PHTF2: variants seen among roughly 807,000 people sequenced by gnomAD.
The protein encoded by PHTF2 is protein PHTF2.
A neutral mutation model predicts 101.2 loss-of-function variants in PHTF2; 60 were observed. That is an observed-to-expected ratio of 0.59 (90% CI 0.48 to 0.73). PHTF2 has a LOEUF of 0.73. Ranked by LOEUF, PHTF2 falls within the 30% of genes least tolerant of loss-of-function variation. PHTF2 has a pLI of 0.00. For missense variants in PHTF2, 747 were observed against 908.7 expected (o/e 0.82, Z 2.29); for synonymous variants, 311 against 307.3 (o/e 1.01, Z -0.13).
chr7:77,946,527 T>C (rs1159147557), intron 16 of PHTF2, among the ~76,000 whole-genome samples: 2 of 152,226 alleles, frequency 1.3e-5, no homozygotes, highest in African/African-American at 2.4e-5. Context: ...TACAGACACA[T>C]TATTTAAAAT....
At chr7:77,952,106 TATC>T (rs1174054318) in intron 18 of PHTF2, among the ~76,000 whole-genome samples, 1 of 152,092 alleles carries the variant, frequency 6.6e-6, no homozygotes, top group African/African-American at 2.4e-5. Context: ...AATACATAAT[TATC>T]ATAATAAATA....
At chr7:77,932,617 A>AGTGTGTGTGTGT (rs1263484171) in intron 12 of PHTF2, among the ~76,000 whole-genome samples, 1 of 124,876 alleles carries the variant, frequency 8.0e-6, no homozygotes, top group Non-Finnish European at 1.7e-5. Context: ...AGAGAGAGAG[A>AGTGTGTGTGTGT]GAGAGTGTGT....
chr7:77,956,844 T>G (rs1807016074), exon 20 of PHTF2: 1 of 152,258 alleles, frequency 6.6e-6, no homozygotes, highest in African/African-American at 2.4e-5. Context: ...TATACTGGTT[T>G]AAGAAAATGC....
intron 1 of PHTF2, among the ~76,000 whole-genome samples, chr7:77,808,862 A>C (rs1219541210): frequency 6.6e-6 from 1 of 152,150 alleles, no homozygotes; most frequent in Non-Finnish European, 1.5e-5. Flanking sequence ...ATGTGCTATC[A>C]GTTACCCAAT....
chr7:77,820,236 T>C (rs1794173919), intron 1 of PHTF2, among the ~76,000 whole-genome samples: 2 of 152,252 alleles, frequency 1.3e-5, no homozygotes, highest in South Asian at 4.1e-4. Flanking sequence ...GTTATTGGTC[T>C]GTTCAGGTTT....
intron 19 of PHTF2, 107 bp downstream of exon 18, chr7:77,954,001 A>G (rs1806772042): frequency 2.6e-6 from 2 of 764,434 alleles, no homozygotes; most frequent in Non-Finnish European, 4.2e-6. Flanking sequence ...TAAGATTGCA[A>G]TTATTGAACA....
In PHTF2 at chr7:77,929,328, G is replaced by T; in HGVS notation, c.1338+1G>T. On this transcript the variant is annotated splice_donor_variant, in intron 12 of 19. Transcript: ENST00000416283. LOFTEE classifies it high-confidence loss of function. ...ATATAGAGATGACCCTTTTCATCAGGTTGGTTTATGGTTTTGGCTTATGTG... is the reference window on the plus strand; with the variant it reads ...ATATAGAGATGACCCTTTTCATCAGTTTGGTTTATGGTTTTGGCTTATGTG... 6.4e-7 allele frequency: 1 copy of T among 1,559,010 alleles called. No homozygotes were observed. Among genetic ancestry groups the T allele is most frequent in the Non-Finnish European group, 8.8e-7 (1 of 1,131,982 alleles).
intron 2 of PHTF2, among the ~76,000 whole-genome samples, chr7:77,854,485 C>G (rs1363851902): frequency 6.6e-6 from 1 of 152,116 alleles, no homozygotes; most frequent in Non-Finnish European, 1.5e-5. Context: ...CCCAAGAGCT[C>G]TTCAGTCAGC....
chr7:77,887,043 CT>C (rs1299994514), intron 3 of PHTF2, among the ~76,000 whole-genome samples: 8 of 114,484 alleles, frequency 7.0e-5, no homozygotes, highest in African/African-American at 2.1e-4. Flanking sequence ...GAGACCCTGT[CT>C]TTAAAAAAAA....
chr7:77,884,899 A>AAAAT (rs55902103), intron 3 of PHTF2, among the ~76,000 whole-genome samples: 9,242 of 151,238 alleles, frequency 0.061, 648 homozygotes, highest in African/African-American at 0.17. Flanking sequence ...ACTTCGTCTC[A>AAAAT]AAATAAATAA....
intron 1 of PHTF2, among the ~76,000 whole-genome samples, chr7:77,837,394 A>G (rs1300680627): frequency 5.3e-5 from 8 of 152,234 alleles, no homozygotes; most frequent in Non-Finnish European, 1.0e-4. Context: ...CTTGTTGATT[A>G]TACCCACGTG....
At position 77,940,561 on chromosome 7, in the gene PHTF2, A is replaced by AC. The variant is rs1157266129; in HGVS notation, c.1775dup (p.Ser593IlefsTer9). ...TTTTGCAAAACTCTTTGGACATTTAACATCTGCAAGGAGGGCTCGAAAATC... is the reference window on the plus strand; with the variant it reads ...TTTTGCAAAACTCTTTGGACATTTAACCATCTGCAAGGAGGGCTCGAAAATC... On this transcript the variant is annotated frameshift_variant, in exon 15 of 20. Transcript: ENST00000416283. LOFTEE classifies it high-confidence loss of function. 12 of 1,607,828 alleles carry AC rather than the reference A, an allele frequency of 7.5e-6. No homozygotes were observed. Among genetic ancestry groups the AC allele is most frequent in the Non-Finnish European group, 1.0e-5 (12 of 1,176,614 alleles).
chr7:77,833,499 C>T (rs1290688586), intron 1 of PHTF2, among the ~76,000 whole-genome samples: 3 of 152,168 alleles, frequency 2.0e-5, no homozygotes, highest in African/African-American at 7.2e-5. Flanking sequence ...CAGTGGCTCA[C>T]ACCTGTAATC....
intron 15 of PHTF2, among the ~76,000 whole-genome samples, chr7:77,941,005 T>C (rs758617003): frequency 7.2e-5 from 11 of 152,218 alleles, no homozygotes; most frequent in Non-Finnish European, 8.8e-5. Context: ...ATATAAAAAC[T>C]CTGGAGGGAA....
intron 12 of PHTF2, among the ~76,000 whole-genome samples, chr7:77,934,634 T>C (rs1804916236): frequency 6.6e-6 from 1 of 152,224 alleles, no homozygotes; most frequent in African/African-American, 2.4e-5. Flanking sequence ...AAAAAAATTT[T>C]AAGTTCTAAA....
intron 1 of PHTF2, among the ~76,000 whole-genome samples, chr7:77,820,871 T>C (rs541860564): frequency 2.4e-4 from 36 of 152,344 alleles, no homozygotes; most frequent in African/African-American, 8.4e-4. Context: ...TGTGGTTGGG[T>C]AGTTTTCTGT....
At chr7:77,857,602 CT>C (rs1382784253) in intron 3 of PHTF2, among the ~76,000 whole-genome samples, 2 of 152,106 alleles carry the variant, frequency 1.3e-5, no homozygotes, top group Non-Finnish European at 2.9e-5. Context: ...AGCTGAACAC[CT>C]GTGTAAAATA....
chr7:77,940,435 A>G (rs547874456), intron 14 of PHTF2, 93 bp from the exon 14 acceptor site: 129 of 1,316,082 alleles, frequency 9.8e-5, no homozygotes, highest in Non-Finnish European at 1.3e-4. Context: ...TATAGTACCT[A>G]ACCAAATAAA....
At chr7:77,919,390 A>G (rs1408990918) in intron 9 of PHTF2, among the ~76,000 whole-genome samples, 1 of 152,218 alleles carries the variant, frequency 6.6e-6, no homozygotes, top group Non-Finnish European at 1.5e-5. Flanking sequence ...ACCTCTAACA[A>G]AAATTCAAGG....
Sources: gnomAD v4.1 joint callset for allele counts (sites outside exome capture counted in the v4.1 genomes callset) on GRCh38, gnomAD v4.1.1 for gene constraint, MANE v1.5 for transcripts, NCBI Gene and HGNC (gene_info 2026-07-23, HGNC 2026-07-21) for gene names.